Variants in SRGAP2B observed in about 807,000 individuals in gnomAD.
The protein encoded by SRGAP2B is SLIT-ROBO Rho GTPase activating protein 2B, also known as SLIT-ROBO Rho GTPase-activating protein 2B.
SRGAP2B carries 9 observed loss-of-function variants against 22.2 expected under a neutral mutation model. The observed-to-expected ratio is 0.41, with a 90% CI of 0.24 to 0.71. SRGAP2B has a LOEUF of 0.71. Ranked by LOEUF, SRGAP2B falls within the 30% of genes least tolerant of loss-of-function variation. The pLI is 0.35. For synonymous variants in SRGAP2B, 36 were observed against 87.4 expected (o/e 0.41, Z 3.28); for missense variants, 114 against 235.8 (o/e 0.48, Z 3.38).
At chr1:145,006,863 C>A (rs1671632564) in intron 2 of SRGAP2B, among the ~76,000 whole-genome samples, 1 of 150,620 alleles carries the variant, frequency 6.6e-6, no homozygotes, top group African/African-American at 2.5e-5. Flanking sequence ...TCAAAACACC[C>A]CAGGGAGATT....
intron 4 of SRGAP2B, 59 bp downstream of exon 4, chr1:144,955,380 A>G: frequency 1.7e-6 from 2 of 1,184,536 alleles, no homozygotes; most frequent in Non-Finnish European, 1.2e-6. Context: ...ATCTAATAGG[A>G]TTTTAAAAAT....
rs1433673097 is a variant in SRGAP2B at position 144,939,800 on chromosome 1, T to A, written c.423+15639A>T. 5.5e-5 allele frequency among the ~76,000 whole-genome samples: 8 copies of A among 146,038 alleles called. No homozygotes were observed. The East Asian group carries it at 1.6e-3, about 29-fold the overall frequency. ...GACTCTGAGAGCAGCAAAAAGAGAA[T>A]GCTTTTTCTACTCTCCACCCTCAAA... On this transcript the variant is annotated intron_variant, in intron 4 of 9. Transcript: ENST00000612199.
chr1:144,925,764 A>C (rs1396450775), intron 4 of SRGAP2B, among the ~76,000 whole-genome samples: 2 of 143,822 alleles, frequency 1.4e-5, no homozygotes, highest in Non-Finnish European at 3.0e-5. Flanking sequence ...AGAAAGAAAG[A>C]AAGAAAGAAA....
intron 5 of SRGAP2B, among the ~76,000 whole-genome samples, chr1:144,913,964 G>A (rs1663611742): frequency 6.7e-6 from 1 of 150,288 alleles, no homozygotes; most frequent in Non-Finnish European, 1.5e-5. Context: ...GTGTGTATGT[G>A]TGTGAGTGTG....
At chr1:144,925,794 A>AGAAAGAAG (rs1664690516) in intron 4 of SRGAP2B, among the ~76,000 whole-genome samples, 1 of 72,930 alleles carries the variant, frequency 1.4e-5, no homozygotes, top group African/African-American at 5.3e-5. Context: ...AAAGAAAGAA[A>AGAAAGAAG]GGAGAGAGAA....
intron 4 of SRGAP2B, among the ~76,000 whole-genome samples, chr1:144,952,641 C>A (rs1378228133): frequency 1.1e-4 from 16 of 150,122 alleles, no homozygotes; most frequent in South Asian, 2.1e-4. Context: ...ATGATTACAG[C>A]TCACTGCATC....
chr1:144,918,200 C>G (rs1312279364), intron 4 of SRGAP2B: 44 of 131,742 alleles, frequency 3.3e-4, no homozygotes, highest in Admixed American at 2.0e-3. Context: ...TTGCAGGAAA[C>G]CAAATAGAAG....
At chr1:144,990,790 CG>C in intron 3 of SRGAP2B, among the ~76,000 whole-genome samples, 2 of 151,336 alleles carry the variant, frequency 1.3e-5, no homozygotes, top group Non-Finnish European at 1.5e-5. Context: ...ACTTAGCACC[CG>C]GGCCAGTGGC....
At chr1:144,966,947 TA>T in intron 3 of SRGAP2B, among the ~76,000 whole-genome samples, 1 of 142,424 alleles carries the variant, frequency 7.0e-6, no homozygotes, top group Non-Finnish European at 1.5e-5. Context: ...CTAACTATCC[TA>T]AATATATATG....
At chr1:144,913,365 C>T (rs1663557341) in intron 5 of SRGAP2B, among the ~76,000 whole-genome samples, 1 of 149,336 alleles carries the variant, frequency 6.7e-6, no homozygotes, top group African/African-American at 2.5e-5. Flanking sequence ...AGTAATAGCT[C>T]TTCTTGGCGC....
intron 2 of SRGAP2B, among the ~76,000 whole-genome samples, chr1:145,030,737 T>A (rs1648230369): frequency 1.5e-5 from 1 of 68,464 alleles, no homozygotes; most frequent in Non-Finnish European, 3.0e-5. Flanking sequence ...TATATATATA[T>A]ATATATATAT....
chr1:144,975,391 C>A (rs1553614016), intron 3 of SRGAP2B, among the ~76,000 whole-genome samples: 2 of 149,638 alleles, frequency 1.3e-5, no homozygotes, highest in Non-Finnish European at 2.9e-5. Flanking sequence ...GGCTGGACCA[C>A]TGGGGGTTGT....
intron 2 of SRGAP2B, among the ~76,000 whole-genome samples, chr1:145,002,015 C>T (rs1671213923): frequency 1.5e-5 from 2 of 135,698 alleles, no homozygotes; most frequent in South Asian, 2.5e-4. Flanking sequence ...GAGCAACACC[C>T]TGTCTCAAAA....
chr1:144,909,535 C>T (rs1326486056), intron 5 of SRGAP2B, among the ~76,000 whole-genome samples: 34 of 144,338 alleles, frequency 2.4e-4, no homozygotes, highest in African/African-American at 8.4e-4. Context: ...TGCAGTGAGC[C>T]GAGATCACGC....
chr1:144,950,577 T>C lies in SRGAP2B; in HGVS notation c.423+4862A>G, dbSNP rs763320490. On this transcript the variant is annotated intron_variant, in intron 4 of 9. Transcript: ENST00000612199. ...TATTTCATTCCCAACTTCCAGCTGC[T>C]TGCCCCAACCCCAGGTAGGAAAAAC... 4.0e-4 allele frequency among the ~76,000 whole-genome samples: 54 copies of C among 134,588 alleles called. 1 individual carries two copies. The highest frequency in any genetic ancestry group is 9.1e-4 in the Admixed American group (12 of 13,166). 88.3% of individuals were successfully genotyped at this position (134,588 alleles called of 152,430 possible). A position where few individuals can be genotyped will look rare whatever the true frequency, so the allele number is the denominator to read the frequency against.
chr1:144,992,432 T>C (rs1356586071), intron 3 of SRGAP2B, among the ~76,000 whole-genome samples: 2 of 150,478 alleles, frequency 1.3e-5, no homozygotes, highest in African/African-American at 5.0e-5. Flanking sequence ...AATGCTATTT[T>C]AAATTTAGGA....
intron 4 of SRGAP2B, among the ~76,000 whole-genome samples, chr1:144,943,616 G>T (rs1410455337): frequency 7.4e-6 from 1 of 135,624 alleles, no homozygotes; most frequent in Non-Finnish European, 1.6e-5. Context: ...AGAAGGAAGG[G>T]GGGGAGGGAG....
At chr1:145,074,172 T>TG (rs1288221179) in intron 2 of SRGAP2B, among the ~76,000 whole-genome samples, 2 of 103,306 alleles carry the variant, frequency 1.9e-5, no homozygotes, top group African/African-American at 4.5e-5. Context: ...AGCGTGGGGG[T>TG]GGGGGTGAGG....
chr1:145,056,938 G>A (rs1650452123), intron 2 of SRGAP2B, among the ~76,000 whole-genome samples: 3 of 136,480 alleles, frequency 2.2e-5, no homozygotes, highest in African/African-American at 8.7e-5. Flanking sequence ...GGTGGTCAGA[G>A]TTGAAGGAGA....
Sources: gnomAD v4.1 joint callset for allele counts (sites outside exome capture counted in the v4.1 genomes callset) on GRCh38, gnomAD v4.1.1 for gene constraint, MANE v1.5 for transcripts, NCBI Gene and HGNC (gene_info 2026-07-23, HGNC 2026-07-21) for gene names.